Variants in TXNL1 observed in about 807,000 individuals in gnomAD.
TXNL1 encodes thioredoxin like 1.
TXNL1 carries 14 observed loss-of-function variants against 35.5 expected under a neutral mutation model. The ratio of observed to expected loss-of-function variants is 0.39; its 90% confidence interval spans 0.26 to 0.62. TXNL1 has a LOEUF of 0.62. Ranked by LOEUF, TXNL1 falls within the 20% of genes least tolerant of loss-of-function variation. The pLI is 0.47. For missense variants in TXNL1, 263 were observed against 349.7 expected, an observed-to-expected ratio of 0.75 and a Z score of 1.98; for synonymous variants, 110 against 115.5, an observed-to-expected ratio of 0.95 and a Z score of 0.31.
At chr18:56,635,567 TA>T (rs1187365998) in intron 1 of TXNL1, among the ~76,000 whole-genome samples, 9 of 152,172 alleles carry the variant, frequency 5.9e-5, no homozygotes, top group African/African-American at 2.2e-4. Context: ...GACAAATTCA[TA>T]GAGACAGAAA....
At chr18:56,606,440 A>T (rs1330479117) in intron 7 of TXNL1, among the ~76,000 whole-genome samples, 4 of 152,302 alleles carry the variant, frequency 2.6e-5, no homozygotes, top group African/African-American at 7.2e-5. Context: ...CTGAGCAAAC[A>T]AGTAAAAGAA....
rs1490064651 is a variant in TXNL1, at chr18:56,601,527, G to A, written c.*1500C>T. 1 of 151,966 alleles carries A rather than the reference G, an allele frequency of 6.6e-6. No homozygotes were observed. The highest frequency in any genetic ancestry group is 1.5e-5 in the Non-Finnish European group (1 of 67,992). 9.4% of individuals were successfully genotyped at this position (151,966 alleles called of 1,614,324 possible). A position where few individuals can be genotyped will look rare whatever the true frequency, so the allele number is the denominator to read the frequency against. The stretch of plus-strand genomic sequence containing the variant: ...ATTTCAGATGTGATTAATCTGAGAT[G>A]GTCTATTTAAGGAGTGTTAAGATCA... On this transcript the variant is annotated 3_prime_UTR_variant, in exon 8 of 8. Coordinates refer to ENST00000217515, the MANE Select transcript of TXNL1 (RefSeq NM_004786.3).
chr18:56,623,695 A>T (rs1169657265), intron 3 of TXNL1, among the ~76,000 whole-genome samples: 1 of 152,142 alleles, frequency 6.6e-6, no homozygotes, highest in Non-Finnish European at 1.5e-5. Context: ...TATCCTTTAG[A>T]TTCTTAAGTC....
chr18:56,626,797 C>CTTTTTTTTTTTTTTTTTT lies in TXNL1; in HGVS notation c.99-358_99-341dup, dbSNP rs386387792. Reference sequence around the variant, plus strand: ...TACAGGCGTGAGCCACCAAGCCGGTCTTTTTTTTTTTTTTTTTTTTTTTTG... The same window carrying CTTTTTTTTTTTTTTTTTT: ...TACAGGCGTGAGCCACCAAGCCGGTCTTTTTTTTTTTTTTTTTTTTTTTTTTTTTTTTTTTTTTTTTTG... On this transcript the variant is annotated intron_variant, in intron 1 of 7. Coordinates refer to ENST00000217515, the MANE Select transcript of TXNL1 (RefSeq NM_004786.3). Among the ~76,000 whole-genome samples the CTTTTTTTTTTTTTTTTTT allele has an allele frequency of 3.1e-4, 17 of 55,008 alleles. 2 individuals are homozygous for CTTTTTTTTTTTTTTTTTT. The highest frequency in any genetic ancestry group is 7.5e-4 in the African/African-American group (11 of 14,700). 36.1% of individuals were successfully genotyped at this position (55,008 alleles called of 152,430 possible).
At chr18:56,609,339 C>A (rs1362954148) in intron 7 of TXNL1, 1 of 152,040 alleles carries the variant, frequency 6.6e-6, no homozygotes, top group African/African-American at 2.4e-5. Flanking sequence ...CCCCCAAAAA[C>A]GTAGTTTGAC....
At chr18:56,616,217 G>C (rs1411500935) in intron 5 of TXNL1, 28 bp downstream of exon 5, 1 of 1,595,412 alleles carries the variant, frequency 6.3e-7, no homozygotes, top group East Asian at 2.2e-5. Context: ...GCAGAAGTTA[G>C]TTTAAAGAAA....
chr18:56,617,673 T>C (rs1253889696), intron 4 of TXNL1, among the ~76,000 whole-genome samples: 1 of 152,182 alleles, frequency 6.6e-6, no homozygotes, highest in Non-Finnish European at 1.5e-5. Flanking sequence ...CTATTTCTCA[T>C]ATACAAATTC....
In TXNL1 at chr18:56,598,314, A is replaced by AC. The variant is rs2023768666; in HGVS notation, c.*4712dup. 1 of 152,166 alleles carries AC rather than the reference A, an allele frequency of 6.6e-6. No individual in the cohort carries two copies. Among genetic ancestry groups the AC allele is most frequent in the Admixed American group, 6.5e-5 (1 of 15,272 alleles). 9.4% of individuals were successfully genotyped at this position (152,166 alleles called of 1,614,324 possible). A position where few individuals can be genotyped will look rare whatever the true frequency, so the allele number is the denominator to read the frequency against. On this transcript the variant is annotated 3_prime_UTR_variant, in exon 8 of 8. Coordinates refer to ENST00000217515, the MANE Select transcript of TXNL1 (RefSeq NM_004786.3). ...AGTCCAAATAAGACTACAGATCATT[A>AC]CAAGTAGCTTGATAAGTATCCGGAT...
rs375205427 is a variant in TXNL1 at position 56,618,129 on chromosome 18, GA to G, written c.370-4del. ...TTAATAAAAGGCATTAAATCCATCTGAAAAAAAATTGCAAGATTTTAGGCAA... is the reference window on the plus strand; with the variant it reads ...TTAATAAAAGGCATTAAATCCATCTGAAAAAAATTGCAAGATTTTAGGCAA... On this transcript the variant is annotated splice_region_variant and splice_polypyrimidine_tract_variant and intron_variant, in intron 3 of 7. Transcript: ENST00000217515. The G allele has an allele frequency of 1.3e-5, 21 of 1,607,434 alleles. No individual in the cohort carries two copies. Among genetic ancestry groups the G allele is most frequent in the Middle Eastern group, 1.7e-4 (1 of 5,972 alleles).
Position 56,626,145 on chromosome 18 carries a change from A to C in TXNL1, c.195+216T>G, listed in dbSNP as rs573790306. Reference sequence around the variant, plus strand: ...AACATCGTATTAATTTTATATCAGAAGGTGATTAATACAAACCTGAAGCAA... The same window carrying C: ...AACATCGTATTAATTTTATATCAGACGGTGATTAATACAAACCTGAAGCAA... On this transcript the variant is annotated intron_variant, in intron 2 of 7. Coordinates refer to ENST00000217515, the MANE Select transcript of TXNL1 (RefSeq NM_004786.3). 4.1e-6 allele frequency: 5 copies of C among 1,226,016 alleles called. No homozygotes were observed. In the African/African-American group the frequency reaches 6.2e-5, roughly 15 times the overall value. The allele number at this position is 1,226,016 out of a possible 1,614,324, so 75.9% of individuals were successfully genotyped here.
chr18:56,605,884 TA>T (rs2023884036), intron 7 of TXNL1, among the ~76,000 whole-genome samples: 1 of 152,202 alleles, frequency 6.6e-6, no homozygotes, highest in African/African-American at 2.4e-5. Flanking sequence ...CTTAGTGACA[TA>T]AGAAGTCAGT....
In TXNL1 at chr18:56,598,012, C is replaced by G. The variant is rs538916634; in HGVS notation, c.*5015G>C. 9 of 152,268 alleles carry G rather than the reference C, an allele frequency of 5.9e-5. No individual in the cohort carries two copies. In the East Asian group the frequency reaches 1.5e-3, roughly 26 times the overall value. The allele number at this position is 152,268 out of a possible 1,614,324, so 9.4% of individuals were successfully genotyped here. A position where few individuals can be genotyped will look rare whatever the true frequency, so the allele number is the denominator to read the frequency against. ...CATGGCAAGAGGAGCTTCACCTTAC[C>G]GTCTCTACTTGCTCTTTCAGCTTCT... On this transcript the variant is annotated 3_prime_UTR_variant, in exon 8 of 8. Transcript: ENST00000217515.
At position 56,602,787 on chromosome 18, in the gene TXNL1, T is replaced by C. The variant is rs1411158785; in HGVS notation, c.*240A>G. On this transcript the variant is annotated 3_prime_UTR_variant, in exon 8 of 8. Coordinates refer to ENST00000217515, the MANE Select transcript of TXNL1 (RefSeq NM_004786.3). Reference sequence around the variant, plus strand: ...AGAAGTTAACCAGTTTTCAAATACATGGAAAGAGAAAATACTGATTTAGAA... The same window carrying C: ...AGAAGTTAACCAGTTTTCAAATACACGGAAAGAGAAAATACTGATTTAGAA... 2 of 577,868 alleles carry C rather than the reference T, an allele frequency of 3.5e-6. No homozygotes were observed. Among genetic ancestry groups the C allele is most frequent in the Non-Finnish European group, 6.1e-6 (2 of 328,250 alleles). 35.8% of individuals were successfully genotyped at this position (577,868 alleles called of 1,614,324 possible).
intron 1 of TXNL1, among the ~76,000 whole-genome samples, chr18:56,632,852 A>G (rs1177564171): frequency 1.3e-5 from 2 of 152,232 alleles, no homozygotes; most frequent in African/African-American, 4.8e-5. Context: ...AATATGCCCT[A>G]GTCTTACAGC....
At chr18:56,611,845 ATT>A (rs375995266) in intron 6 of TXNL1, among the ~76,000 whole-genome samples, 10 of 116,438 alleles carry the variant, frequency 8.6e-5, no homozygotes, top group African/African-American at 1.0e-4. Flanking sequence ...CACCCGGCTA[ATT>A]TTTTTTTTTT....
intron 1 of TXNL1, among the ~76,000 whole-genome samples, chr18:56,636,636 A>C (rs952864473): frequency 7.9e-5 from 12 of 152,240 alleles, no homozygotes; most frequent in African/African-American, 2.9e-4. Context: ...CAATGTCTGC[A>C]GTTATGCTTA....
chr18:56,604,149 C>A (rs1294882935), intron 7 of TXNL1, among the ~76,000 whole-genome samples: 1 of 152,008 alleles, frequency 6.6e-6, no homozygotes, highest in Non-Finnish European at 1.5e-5. Flanking sequence ...CCAAAGACAC[C>A]ATGTTAGAAA....
intron 1 of TXNL1, among the ~76,000 whole-genome samples, chr18:56,631,789 G>A (rs988761757): frequency 2.6e-5 from 4 of 151,958 alleles, no homozygotes; most frequent in Non-Finnish European, 4.4e-5. Flanking sequence ...GCCTAGTAAC[G>A]CATGCCTGTA....
chr18:56,622,450 A>G (rs1437369408), intron 3 of TXNL1, among the ~76,000 whole-genome samples: 1 of 152,214 alleles, frequency 6.6e-6, no homozygotes, highest in Non-Finnish European at 1.5e-5. Flanking sequence ...TTATAATGGT[A>G]TCATCGTTAT....
Sources: allele counts gnomAD v4.1 joint callset (sites outside exome capture counted in the v4.1 genomes callset), GRCh38; gene constraint gnomAD v4.1.1; transcripts MANE v1.5; gene names NCBI Gene and HGNC (gene_info 2026-07-23, HGNC 2026-07-21).